The following QTMAN variants were observed in gnomAD, a reference collection of about 807,000 sequenced individuals.
QTMAN encodes the protein tRNA-queuosine alpha-mannosyltransferase.
the QTMAN span, among the ~76,000 whole-genome samples, chr2:144,207,293 A>T: frequency 1.3e-5 from 2 of 152,218 alleles, no homozygotes; most frequent in African/African-American, 4.8e-5. Context: ...TCCATCTGAC[A>T]CTATGCATTC....
chr2:144,016,100 G>A, the QTMAN span, among the ~76,000 whole-genome samples: 15 of 152,120 alleles, frequency 9.9e-5, no homozygotes, highest in African/African-American at 3.6e-4. Flanking sequence ...TGTTGACTCA[G>A]TTAGCAAATA....
chr2:143,972,672 T>C, the QTMAN span, among the ~76,000 whole-genome samples: 7 of 152,196 alleles, frequency 4.6e-5, no homozygotes, highest in Non-Finnish European at 8.8e-5. Context: ...AGCTTTCATA[T>C]TCAATAGTTA....
chr2:144,202,922 G>C, the QTMAN span, among the ~76,000 whole-genome samples: 1 of 152,120 alleles, frequency 6.6e-6, no homozygotes, highest in Non-Finnish European at 1.5e-5. Flanking sequence ...GGAAACAGTG[G>C]TTTCACAGTG....
the QTMAN span, chr2:144,128,354 G>A: frequency 6.6e-6 from 1 of 151,966 alleles, no homozygotes; most frequent in African/African-American, 2.4e-5. Flanking sequence ...TCAGCAAGTG[G>A]AGTTCACTGA....
At chr2:144,069,827 A>G in the QTMAN span, among the ~76,000 whole-genome samples, 1 of 151,990 alleles carries the variant, frequency 6.6e-6, no homozygotes, top group Admixed American at 6.6e-5. Flanking sequence ...TTGGACACTT[A>G]TTTTTTGCAG....
At chr2:144,314,540 G>A in the QTMAN span, among the ~76,000 whole-genome samples, 17 of 152,030 alleles carry the variant, frequency 1.1e-4, no homozygotes. Context: ...GTGAAACTCC[G>A]TCTCTACTAA....
the QTMAN span, among the ~76,000 whole-genome samples, chr2:144,108,632 T>C: frequency 7.5e-6 from 1 of 134,076 alleles, no homozygotes; most frequent in Non-Finnish European, 1.5e-5. Context: ...AGCAAGACTC[T>C]GTCTCAATTA....
the QTMAN span, among the ~76,000 whole-genome samples, chr2:144,275,033 G>A: frequency 6.6e-6 from 1 of 151,958 alleles, no homozygotes; most frequent in Non-Finnish European, 1.5e-5. Flanking sequence ...TAACAGTGTT[G>A]AGTGCTATAT....
At chr2:144,081,615 G>A in the QTMAN span, among the ~76,000 whole-genome samples, 1 of 151,980 alleles carries the variant, frequency 6.6e-6, no homozygotes, top group South Asian at 2.1e-4. Flanking sequence ...TGAAGGAAAA[G>A]GGAAGGACGA....
At chr2:143,973,080 A>C in the QTMAN span, among the ~76,000 whole-genome samples, 2 of 152,194 alleles carry the variant, frequency 1.3e-5, no homozygotes, top group Non-Finnish European at 2.9e-5. Flanking sequence ...TCACTCAAAA[A>C]AGTAACAGTT....
At chr2:144,242,960 T>TAAAAAA in the QTMAN span, among the ~76,000 whole-genome samples, 47 of 77,802 alleles carry the variant, frequency 6.0e-4, 2 homozygotes, top group African/African-American at 2.6e-3. Context: ...AGACTCTACT[T>TAAAAAA]AAAAAAAAAA....
At chr2:144,149,169 C>T in the QTMAN span, among the ~76,000 whole-genome samples, 5 of 151,832 alleles carry the variant, frequency 3.3e-5, no homozygotes, top group African/African-American at 9.7e-5. Flanking sequence ...GCTCATCCTG[C>T]CTCAGGTATT....
the QTMAN span, among the ~76,000 whole-genome samples, chr2:144,048,134 A>G: frequency 6.6e-5 from 10 of 152,330 alleles, no homozygotes; most frequent in African/African-American, 2.2e-4. Context: ...AAAAGAAATA[A>G]TACAGAGGAC....
chr2:144,312,527 T>C, the QTMAN span, among the ~76,000 whole-genome samples: 3 of 152,184 alleles, frequency 2.0e-5, no homozygotes, highest in Admixed American at 6.5e-5. Context: ...CCTACTGCTC[T>C]CTCACTCAAC....
the QTMAN span, among the ~76,000 whole-genome samples, chr2:144,244,339 C>G: frequency 6.6e-6 from 1 of 152,290 alleles, no homozygotes; most frequent in East Asian, 1.9e-4. Flanking sequence ...GTGTGCTGAT[C>G]TCTACAGGTG....
the QTMAN span, among the ~76,000 whole-genome samples, chr2:144,003,109 G>A: frequency 8.3e-4 from 126 of 151,936 alleles, no homozygotes; most frequent in African/African-American, 3.0e-3. Flanking sequence ...AGGCTATAAT[G>A]TAGATTTTAA....
chr2:144,099,589 C>T, the QTMAN span, among the ~76,000 whole-genome samples: 1 of 152,164 alleles, frequency 6.6e-6, no homozygotes, highest in Non-Finnish European at 1.5e-5. Context: ...CATTTCAAGC[C>T]GTAATTGTGT....
At chr2:144,077,973 C>G in the QTMAN span, among the ~76,000 whole-genome samples, 1 of 151,264 alleles carries the variant, frequency 6.6e-6, no homozygotes, top group Non-Finnish European at 1.5e-5. Context: ...TTTTTAAAGT[C>G]AAAGATAGCA....
chr2:144,003,953 T>G, the QTMAN span, among the ~76,000 whole-genome samples: 1 of 152,082 alleles, frequency 6.6e-6, no homozygotes, highest in Admixed American at 6.6e-5. Context: ...GCATATTTTT[T>G]TATGATAGAG....
Sources: allele counts gnomAD v4.1 joint callset (sites outside exome capture counted in the v4.1 genomes callset), GRCh38; gene constraint gnomAD v4.1.1; transcripts MANE v1.5; gene names NCBI Gene and HGNC (gene_info 2026-07-23, HGNC 2026-07-21).